SEMA4D: variants seen among roughly 807,000 people sequenced by gnomAD.
The protein encoded by SEMA4D is semaphorin-4D.
A neutral mutation model predicts 74.8 loss-of-function variants in SEMA4D; 22 were observed. The ratio of observed to expected loss-of-function variants is 0.29; its 90% confidence interval spans 0.21 to 0.42. The LOEUF is 0.42. Among genes scored for constraint, SEMA4D ranks in the 10% least tolerant of loss-of-function variants. The probability of loss-of-function intolerance (pLI) is 1.00; values close to 1 mark genes in which losing one functional copy is unlikely to be tolerated. For missense variants in SEMA4D, 937 were observed against 1,118.4 expected, an observed-to-expected ratio of 0.84 and a Z score of 2.31; for synonymous variants, 445 against 463.7, an observed-to-expected ratio of 0.96 and a Z score of 0.52.
intron 2 of SEMA4D, among the ~76,000 whole-genome samples, chr9:89,413,811 T>C (rs1845070886): frequency 6.6e-6 from 1 of 152,260 alleles, no homozygotes; most frequent in South Asian, 2.1e-4. Context: ...TACATGTATG[T>C]GTGCACAGCT....
rs1463552125 is a variant in SEMA4D at position 89,484,932 on chromosome 9, GTGT to G, written c.-310+12984_-310+12986del. Among the ~76,000 whole-genome samples the G allele has an allele frequency of 6.6e-6, 1 of 151,490 alleles. No homozygotes were observed. The highest frequency in any genetic ancestry group is 1.5e-5 in the Non-Finnish European group (1 of 67,856). The stretch of plus-strand genomic sequence containing the variant: ...GGTGTGTGGTGTGATGTGTATGTGT[GTGT>G]TGTTTGGTGTGTGTGTACTGGGTGG... On this transcript the variant is annotated intron_variant, in intron 1 of 15. Coordinates refer to ENST00000422704, the MANE Select transcript of SEMA4D (RefSeq NM_001371194.2). The surrounding 1 kb of genome is among the most constrained non-coding windows in gnomAD (Gnocchi z 4.1).
chr9:89,404,709 G>A (rs55786221), intron 3 of SEMA4D, among the ~76,000 whole-genome samples: 22,231 of 84,042 alleles, frequency 0.26, 2,193 homozygotes, highest in South Asian at 0.33. Context: ...GCCACCCACC[G>A]CAGCATCCCA....
chr9:89,404,639 A>C (rs1392746548), intron 3 of SEMA4D, among the ~76,000 whole-genome samples: 6 of 135,062 alleles, frequency 4.4e-5, no homozygotes, highest in Admixed American at 2.2e-4. Flanking sequence ...TGGAGTCCCC[A>C]TCCCGACCTC....
downstream of SEMA4D, among the ~76,000 whole-genome samples, chr9:89,372,344 G>T (rs990249319): frequency 8.1e-6 from 1 of 122,910 alleles, no homozygotes; most frequent in Admixed American, 8.0e-5. Flanking sequence ...GTGTGGGGGG[G>T]TGTGGTGTGG....
intron 2 of SEMA4D, among the ~76,000 whole-genome samples, chr9:89,425,775 C>T (rs1392461548): frequency 6.6e-6 from 1 of 152,192 alleles, no homozygotes; most frequent in East Asian, 1.9e-4. Flanking sequence ...AATGCAACAA[C>T]CGTCTAGAGC....
intron 4 of SEMA4D, among the ~76,000 whole-genome samples, chr9:89,401,782 T>C (rs1274093719): frequency 1.3e-5 from 2 of 151,982 alleles, no homozygotes; most frequent in African/African-American, 2.4e-5. Flanking sequence ...CCAAAGGAAA[T>C]GGGACCTCTA....
At position 89,461,700 on chromosome 9, in the gene SEMA4D, C is replaced by CTCTCTCTTTTTTTTTTTTTTTTTTT. The variant is rs71281350; in HGVS notation, c.-309-5748_-309-5747insAAAAAAAAAAAAAAAAAAAGAGAGA. 4.1e-4 allele frequency among the ~76,000 whole-genome samples: 43 copies of CTCTCTCTTTTTTTTTTTTTTTTTTT among 103,652 alleles called. 3 individuals carry two copies. Among genetic ancestry groups the CTCTCTCTTTTTTTTTTTTTTTTTTT allele is most frequent in the Middle Eastern group, 0.011 (2 of 182 alleles). 68.0% of individuals were successfully genotyped at this position (103,652 alleles called of 152,430 possible). On this transcript the variant is annotated intron_variant, in intron 1 of 15. Transcript: ENST00000422704. ...GGGCCAATGTGTATTTCTTTTTTCT[C>CTCTCTCTTTTTTTTTTTTTTTTTTT]TTTTTTTTTTTTTTTTTTTGGAGAC...
rs148142921 is a variant in SEMA4D at position 89,465,888 on chromosome 9, G to C, written c.-309-9935C>G. On this transcript the variant is annotated intron_variant, in intron 1 of 15. Transcript: ENST00000422704. ...TCCAAGGTGGAATGAGGAGAAGATG[G>C]AGTCCACAGGTTTAGGAGGAAACCA... Among the ~76,000 whole-genome samples the C allele has an allele frequency of 2.5e-4, 38 of 152,350 alleles. No individual in the cohort carries two copies. In the Middle Eastern group the frequency reaches 0.01, roughly 41 times the overall value.
chr9:89,395,616 A>C (rs1840791401), intron 6 of SEMA4D, among the ~76,000 whole-genome samples: 2 of 152,174 alleles, frequency 1.3e-5, no homozygotes, highest in South Asian at 4.1e-4. Context: ...TTCTGCACAA[A>C]AGTAAATACA....
At chr9:89,431,278 G>A (rs750941995) in intron 2 of SEMA4D, among the ~76,000 whole-genome samples, 2 of 152,152 alleles carry the variant, frequency 1.3e-5, no homozygotes, top group African/African-American at 2.4e-5. Flanking sequence ...TCCTGCGGGT[G>A]AGCCACCCGG....
At chr9:89,496,636 T>C (rs948272532) in intron 1 of SEMA4D, among the ~76,000 whole-genome samples, 1 of 152,166 alleles carries the variant, frequency 6.6e-6, no homozygotes, top group Non-Finnish European at 1.5e-5. Context: ...TACCAAGACA[T>C]GATATACGCA....
At chr9:89,449,090 T>C (rs960349640) in intron 2 of SEMA4D, among the ~76,000 whole-genome samples, 3 of 152,144 alleles carry the variant, frequency 2.0e-5, no homozygotes, top group African/African-American at 7.2e-5. Context: ...CAAGCCCGGA[T>C]AGCACGGGGC....
chr9:89,363,466 C>A, exon 18 of SEMA4D: 1 of 1,614,028 alleles, frequency 6.2e-7, no homozygotes, highest in Non-Finnish European at 8.5e-7. Flanking sequence ...TCCGGTCGTG[C>A]TCCCCAGCCA....
intron 2 of SEMA4D, among the ~76,000 whole-genome samples, chr9:89,424,227 AAG>A (rs1847638143): frequency 6.6e-6 from 1 of 152,202 alleles, no homozygotes; most frequent in South Asian, 2.1e-4. Context: ...TGAGGACTGT[AAG>A]GCATGGACGT....
chr9:89,428,948 G>A (rs916454685), intron 2 of SEMA4D, among the ~76,000 whole-genome samples: 7 of 152,190 alleles, frequency 4.6e-5, no homozygotes, highest in African/African-American at 1.7e-4. Context: ...TGCAGGCTCC[G>A]CATGACTGCT....
At chr9:89,385,084 G>A (rs992723094) in intron 13 of SEMA4D, 2 of 977,018 alleles carry the variant, frequency 2.0e-6, no homozygotes, top group Non-Finnish European at 2.4e-6. Context: ...TCCCTGTGTG[G>A]CCAGCTGCCC....
intron 1 of SEMA4D, among the ~76,000 whole-genome samples, chr9:89,477,920 A>C (rs1862169863): frequency 6.6e-6 from 1 of 152,320 alleles, no homozygotes; most frequent in African/African-American, 2.4e-5. Flanking sequence ...TCGCATAAAA[A>C]AGATAGAAGG....
chr9:89,449,095 C>T (rs534330075), intron 2 of SEMA4D, among the ~76,000 whole-genome samples: 4 of 152,302 alleles, frequency 2.6e-5, no homozygotes, highest in Admixed American at 1.3e-4. Context: ...CCGGATAGCA[C>T]GGGGCCTTTT....
intron 2 of SEMA4D, among the ~76,000 whole-genome samples, chr9:89,414,944 C>T (rs1191794726): frequency 6.6e-6 from 1 of 152,218 alleles, no homozygotes; most frequent in Admixed American, 6.5e-5. Context: ...ATGGGAAACC[C>T]AGGGAGAGAG....
Sources: allele counts gnomAD v4.1 joint callset (sites outside exome capture counted in the v4.1 genomes callset), GRCh38; gene constraint gnomAD v4.1.1; non-coding constraint Gnocchi (gnomAD v3.1); transcripts MANE v1.5; gene names NCBI Gene and HGNC (gene_info 2026-07-23, HGNC 2026-07-21).